PLAG1: variants seen among roughly 807,000 people sequenced by gnomAD.
PLAG1 encodes the protein PLAG1 zinc finger, also known as zinc finger protein PLAG1.
A neutral mutation model predicts 35.5 loss-of-function variants in PLAG1; 7 were observed. The ratio of observed to expected loss-of-function variants is 0.20; its 90% CI spans 0.11 to 0.37. The LOEUF is 0.37. Among genes scored for constraint, PLAG1 ranks in the 10% least tolerant of loss-of-function variants. The pLI, the probability that PLAG1 is intolerant of heterozygous loss-of-function variation, is 1.00. For missense variants in PLAG1, 454 were observed against 602.8 expected (o/e 0.75, Z 2.58); for synonymous variants, 229 against 225.4 (o/e 1.02, Z -0.14).
At chr8:56,173,369 T>TC (rs1563377011) in intron 2 of PLAG1, among the ~76,000 whole-genome samples, 3 of 151,690 alleles carry the variant, frequency 2.0e-5, no homozygotes, top group African/African-American at 7.3e-5. Context: ...ACTAAATATC[T>TC]CCCCCCAAAA....
chr8:56,204,411 T>G (rs1812642839), intron 1 of PLAG1, among the ~76,000 whole-genome samples: 1 of 151,884 alleles, frequency 6.6e-6, no homozygotes, highest in Non-Finnish European at 1.5e-5. Context: ...GTTTCCAGGT[T>G]TAATTTCTTA....
chr8:56,169,459 T>G (rs534057612), intron 3 of PLAG1, among the ~76,000 whole-genome samples: 1 of 152,302 alleles, frequency 6.6e-6, no homozygotes, highest in South Asian at 2.1e-4. Flanking sequence ...ATAGTAAATA[T>G]TATCGACTCT....
At chr8:56,209,237 C>G (rs558633198) in intron 1 of PLAG1, 1 of 152,302 alleles carries the variant, frequency 6.6e-6, no homozygotes, top group East Asian at 1.9e-4. Context: ...TCCATTTTTC[C>G]ACAATTCCTT....
intron 1 of PLAG1, among the ~76,000 whole-genome samples, chr8:56,191,871 C>T (rs1812194200): frequency 6.7e-6 from 1 of 149,174 alleles, no homozygotes; most frequent in African/African-American, 2.5e-5. Flanking sequence ...GTAGACACTA[C>T]AAATCTACAC....
At chr8:56,189,244 G>C (rs2129230360) in intron 1 of PLAG1, among the ~76,000 whole-genome samples, 1 of 152,340 alleles carries the variant, frequency 6.6e-6, no homozygotes, top group East Asian at 1.9e-4. Context: ...ACTGGGCATT[G>C]ACACAATGCT....
At chr8:56,200,034 G>A (rs1213315897) in intron 1 of PLAG1, among the ~76,000 whole-genome samples, 3 of 152,088 alleles carry the variant, frequency 2.0e-5, no homozygotes, top group African/African-American at 7.2e-5. Context: ...CTCCTGGCCT[G>A]TCTCCCTTTC....
chr8:56,198,421 G>C (rs1029787238), intron 1 of PLAG1, among the ~76,000 whole-genome samples: 1 of 152,328 alleles, frequency 6.6e-6, no homozygotes. Flanking sequence ...GGAGCACCCA[G>C]GTCCTATAGC....
intron 1 of PLAG1, among the ~76,000 whole-genome samples, chr8:56,204,410 T>C (rs919391023): frequency 6.6e-6 from 1 of 151,872 alleles, no homozygotes; most frequent in African/African-American, 2.4e-5. Flanking sequence ...AGTTTCCAGG[T>C]TTAATTTCTT....
chr8:56,170,089 C>A (rs1035063635), intron 3 of PLAG1, among the ~76,000 whole-genome samples: 7 of 152,188 alleles, frequency 4.6e-5, no homozygotes, highest in Non-Finnish European at 8.8e-5. Flanking sequence ...AATGTAAAGG[C>A]TGTTTCTAAA....
At position 56,165,523 on chromosome 8, in the gene PLAG1, C is replaced by T; in HGVS notation, c.*720G>A. ...AGAAGGATGAAACACGACAAAATAT[C>T]CTGTGTACTAATTTAGGGCCAACTA... On this transcript the variant is annotated 3_prime_UTR_variant, in exon 5 of 5. Coordinates refer to ENST00000316981, the MANE Select transcript of PLAG1 (RefSeq NM_002655.3). The T allele has an allele frequency of 4.8e-6, 1 of 207,962 alleles. No individual in the cohort carries two copies. Among genetic ancestry groups the T allele is most frequent in the Non-Finnish European group, 9.8e-6 (1 of 102,000 alleles). 12.9% of individuals were successfully genotyped at this position (207,962 alleles called of 1,614,324 possible). A position where few individuals can be genotyped will look rare whatever the true frequency, so the allele number is the denominator to read the frequency against.
chr8:56,161,675 C>T lies in PLAG1; in HGVS notation c.*4568G>A. Reference sequence around the variant, plus strand: ...AGTTTGTTAATGACAAATTAAGTCACAGTATAAAAATATATTGTACACTTT... The same window carrying T: ...AGTTTGTTAATGACAAATTAAGTCATAGTATAAAAATATATTGTACACTTT... On this transcript the variant is annotated 3_prime_UTR_variant, in exon 5 of 5. Transcript: ENST00000316981. 4.4e-6 allele frequency: 1 copy of T among 227,372 alleles called. No homozygotes were observed. The highest frequency in any genetic ancestry group is 8.8e-6 in the Non-Finnish European group (1 of 114,048). The allele number at this position is 227,372 out of a possible 1,614,324, so 14.1% of individuals were successfully genotyped here.
At chr8:56,209,114 A>G (rs1278721310) in intron 1 of PLAG1, 2 of 152,212 alleles carry the variant, frequency 1.3e-5, no homozygotes, top group South Asian at 2.1e-4. Context: ...TACAGTTTTT[A>G]CAAAATGGCT....
intron 1 of PLAG1, among the ~76,000 whole-genome samples, chr8:56,191,571 T>C (rs1265568090): frequency 1.3e-5 from 2 of 152,172 alleles, no homozygotes; most frequent in African/African-American, 2.4e-5. Context: ...TCAATTGACA[T>C]TGCTCAGATA....
chr8:56,190,478 T>A (rs1177584163), intron 1 of PLAG1, among the ~76,000 whole-genome samples: 1 of 152,118 alleles, frequency 6.6e-6, no homozygotes, highest in African/African-American at 2.4e-5. Flanking sequence ...CATGCAGGTT[T>A]TTAGTAAAAT....
chr8:56,186,809 C>T (rs577796509), intron 1 of PLAG1, among the ~76,000 whole-genome samples: 254 of 152,020 alleles, frequency 1.7e-3, no homozygotes, highest in Admixed American at 8.3e-3. Flanking sequence ...CTCCGCCTCC[C>T]GTATTCAAGT....
In PLAG1 at chr8:56,166,373, G is replaced by A. The variant is rs144552372; in HGVS notation, c.1373C>T (p.Pro458Leu). The part of the protein sequence containing the change: ...EAHSSVSQLP[P>L]QTQDLQDPAN... ...AGGATCCTGAAGATCCTGTGTTTGT[G>A]GGGGGAGCTGGGAAACAGAAGAATG... Residue 458 changes from proline (P) to leucine (L), a missense_variant, in exon 5 of 5, where the codon CCA (proline) becomes CTA (leucine). Pro to Leu is a moderately conservative substitution (Grantham distance 98). This residue lies in a region of PLAG1 where 271 missense variants were observed against 315.6 expected (regional missense o/e 0.86). Transcript: ENST00000316981. 6.2e-7 allele frequency: 1 copy of A among 1,613,698 alleles called. No homozygotes were observed. Among genetic ancestry groups the A allele is most frequent in the Non-Finnish European group, 8.5e-7 (1 of 1,179,734 alleles).
intron 1 of PLAG1, among the ~76,000 whole-genome samples, chr8:56,197,556 G>T (rs192738382): frequency 1.4e-3 from 210 of 152,304 alleles, no homozygotes; most frequent in African/African-American, 5.0e-3. Flanking sequence ...CTCTGTGTTT[G>T]TCTTTCTCCC....
At chr8:56,211,019 C>G (rs1812891024) in intron 1 of PLAG1, 102 bp downstream of exon 1, 2 of 153,680 alleles carry the variant, frequency 1.3e-5, no homozygotes. Context: ...CCTGCCGCCG[C>G]CGCTGCTCCT....
intron 2 of PLAG1, among the ~76,000 whole-genome samples, chr8:56,176,594 A>C (rs905282977): frequency 1.3e-5 from 2 of 152,194 alleles, no homozygotes; most frequent in Admixed American, 6.5e-5. Flanking sequence ...GAGAGCAAAG[A>C]AGGACAATTA....
Sources: allele counts gnomAD v4.1 joint callset (sites outside exome capture counted in the v4.1 genomes callset), GRCh38; gene constraint gnomAD v4.1.1; regional missense constraint gnomAD v4.1.1; transcripts MANE v1.5; gene names NCBI Gene and HGNC (gene_info 2026-07-23, HGNC 2026-07-21).